The following NOBOX variants were observed in gnomAD, a reference collection of about 807,000 sequenced individuals.
The protein encoded by NOBOX is homeobox protein NOBOX.
A neutral mutation model predicts 60.2 loss-of-function variants in NOBOX; 46 were observed. That is an observed-to-expected ratio of 0.76 (90% confidence interval 0.60 to 0.98). The LOEUF (loss-of-function observed/expected upper bound fraction) is 0.98. Among genes scored for constraint, NOBOX ranks in the 50% least tolerant of loss-of-function variants. The pLI is 0.00. For synonymous variants in NOBOX, 360 were observed against 346.3 expected (o/e 1.04, Z -0.44); for missense variants, 880 against 865.5 (o/e 1.02, Z -0.21).
At position 144,399,434 on chromosome 7, in the gene NOBOX, G is replaced by C. The variant is rs1335411505; in HGVS notation, c.1203C>G (p.Asp401Glu). Reference sequence around the variant, plus strand: ...CCAGAGGGGACTCCTGAGGGAAAGGGTCAGGCTTTGGCTCCATGGGCACAG... The same window carrying C: ...CCAGAGGGGACTCCTGAGGGAAAGGCTCAGGCTTTGGCTCCATGGGCACAG... The change falls in exon 7 of 10, where the codon GAC becomes GAG. Residue 401 changes from aspartate to glutamate, a missense_variant. By Grantham distance (45) the Asp-to-Glu change is conservative. Transcript: ENST00000467773. 1 of 1,588,898 alleles carries C rather than the reference G, an allele frequency of 6.3e-7. No homozygotes were observed. The highest frequency in any genetic ancestry group is 8.6e-7 in the Non-Finnish European group (1 of 1,167,468).
chr7:144,398,853 A>T (rs1228162385), intron 8 of NOBOX, 97 bp downstream of exon 6: 2 of 710,532 alleles, frequency 2.8e-6, no homozygotes, highest in Non-Finnish European at 4.9e-6. Flanking sequence ...TGCTCCTCTC[A>T]GTTAACCCTC....
At chr7:144,405,618 A>G (rs918022553) in intron 1 of NOBOX, among the ~76,000 whole-genome samples, 1 of 152,142 alleles carries the variant, frequency 6.6e-6, no homozygotes, top group African/African-American at 2.4e-5. Context: ...GATGAACGGC[A>G]AGCTCTGACA....
chr7:144,398,519 G>C lies in NOBOX; in HGVS notation c.1537C>G (p.Gln513Glu), dbSNP rs373048418. 9 of 1,536,752 alleles carry C rather than the reference G, an allele frequency of 5.9e-6. No homozygotes were observed. The highest frequency in any genetic ancestry group is 7.8e-6 in the Non-Finnish European group (9 of 1,146,762). Residue 513 changes from glutamine (Q) to glutamate (E), a missense_variant, in exon 9 of 10, where the codon CAG (glutamine) becomes GAG (glutamate). Transcript: ENST00000467773. ...TGGGAGAACTGGAAGGGTCCTGGCT[G>C]GTTGCTCTGTTGGTAATCCTGGGGC...
At chr7:144,405,348 G>A (rs1039400930) in intron 1 of NOBOX, among the ~76,000 whole-genome samples, 11 of 152,130 alleles carry the variant, frequency 7.2e-5, no homozygotes, top group African/African-American at 1.7e-4. Context: ...ATTTGGTGGC[G>A]ACATGGTAAA....
rs2128860640 is a variant in NOBOX, at chr7:144,397,328, G to A, written c.1988C>T (p.Ala663Val). ...GGAAGCAGCTGGTGGTTCCTCTTTT[G>A]CCTTGCTGAGTAAGGGCCCAGTCCC... Residue 663 changes from alanine to valine, a missense_variant, in exon 10 of 10, where the codon GCA becomes GTA. Transcript: ENST00000467773. 1 of 1,537,266 alleles carries A rather than the reference G, an allele frequency of 6.5e-7. No homozygotes were observed. The highest frequency in any genetic ancestry group is 8.7e-7 in the Non-Finnish European group (1 of 1,146,906).
intron 9 of NOBOX, 148 bp downstream of exon 7, chr7:144,398,134 G>A (rs940428860): frequency 1.5e-5 from 11 of 749,164 alleles, no homozygotes; most frequent in Non-Finnish European, 2.3e-5. Flanking sequence ...GAATTCGAGG[G>A]AGAAGAGCTT....
chr7:144,410,215 A>G lies in NOBOX; in HGVS notation c.13T>C (p.Leu5=). 1 of 1,565,668 alleles carries G rather than the reference A, an allele frequency of 6.4e-7. No homozygotes were observed. Among genetic ancestry groups the G allele is most frequent in the Non-Finnish European group, 8.7e-7 (1 of 1,153,758 alleles). ...TCCAGGTCTGGTGATGTTAGTGTCA[A>G]AAGGAGAGCCATGTCATGGCCAGCA... Residue 5 remains leucine, a synonymous_variant, in exon 1 of 10, where the codon TTG becomes CTG. Transcript: ENST00000467773.
intron 4 of NOBOX, among the ~76,000 whole-genome samples, chr7:144,400,759 A>G (rs1474201530): frequency 6.6e-6 from 1 of 152,132 alleles, no homozygotes; most frequent in African/African-American, 2.4e-5. Flanking sequence ...GCTGGTCTCA[A>G]ACTCCTGACT....
intron 1 of NOBOX, among the ~76,000 whole-genome samples, chr7:144,407,679 C>A (rs1377191470): frequency 6.6e-6 from 1 of 152,226 alleles, no homozygotes; most frequent in East Asian, 1.9e-4. Context: ...TGCCCAGGGG[C>A]TTCCTTTGAA....
chr7:144,406,680 T>A (rs552055002), intron 1 of NOBOX, among the ~76,000 whole-genome samples: 5 of 152,368 alleles, frequency 3.3e-5, no homozygotes, highest in African/African-American at 1.2e-4. Flanking sequence ...TGCAAGTGAA[T>A]TTTATCTAAG....
chr7:144,397,352 C>A lies in NOBOX; in HGVS notation c.1964G>T (p.Gly655Val). 6.5e-7 allele frequency: 1 copy of A among 1,537,258 alleles called. No homozygotes were observed. The highest frequency in any genetic ancestry group is 8.7e-7 in the Non-Finnish European group (1 of 1,146,914). Reference sequence around the variant, plus strand: ...TGCCTTGCTGAGTAAGGGCCCAGTCCCTGGTCTGGCCCCTTCAGGCATCCA... The same window carrying A: ...TGCCTTGCTGAGTAAGGGCCCAGTCACTGGTCTGGCCCCTTCAGGCATCCA... The change falls in exon 10 of 10, where the codon GGG becomes GTG. Residue 655 changes from glycine (G) to valine (V), a missense_variant. Coordinates refer to ENST00000467773, the MANE Select transcript of NOBOX (RefSeq NM_001080413.3).
At position 144,400,316 on chromosome 7, in the gene NOBOX, AAAG is replaced by A. The variant is rs768253963; in HGVS notation, c.845-7_845-5del. The A allele has an allele frequency of 1.7e-5, 27 of 1,613,430 alleles. No homozygotes were observed. The highest frequency in any genetic ancestry group is 1.6e-4 in the Middle Eastern group (1 of 6,062). ...TTCTCTAGCTCCTCCAGCTGATCTG[AAAG>A]AAGAAGAAACTTGTGTGAGGAGGAC... is the stretch of plus-strand genomic sequence containing the variant. On this transcript the variant is annotated splice_region_variant and splice_polypyrimidine_tract_variant and intron_variant, in intron 4 of 9. Transcript: ENST00000467773.
chr7:144,402,689 C>T (rs1243286053), intron 2 of NOBOX, among the ~76,000 whole-genome samples: 1 of 150,722 alleles, frequency 6.6e-6, no homozygotes, highest in African/African-American at 2.4e-5. Flanking sequence ...TGCTAAGTAA[C>T]GACTAAGAGC....
At chr7:144,398,721 T>G in intron 8 of NOBOX, 135 bp from the exon 7 acceptor site, 1 of 682,966 alleles carries the variant, frequency 1.5e-6, no homozygotes, top group Non-Finnish European at 2.5e-6. Flanking sequence ...CTGCTGCAGC[T>G]GCCTCTTCTC....
intron 2 of NOBOX, among the ~76,000 whole-genome samples, chr7:144,402,864 C>T (rs1173004496): frequency 7.0e-6 from 1 of 142,848 alleles, no homozygotes; most frequent in Non-Finnish European, 1.5e-5. Context: ...TCAAGCGATT[C>T]TCGTGCCTCT....
intron 2 of NOBOX, among the ~76,000 whole-genome samples, chr7:144,402,878 T>C (rs889729595): frequency 2.5e-4 from 37 of 148,196 alleles, no homozygotes; most frequent in Admixed American, 2.1e-3. Context: ...TGCCTCTGCC[T>C]CCCAAGTAGC....
At position 144,410,002 on chromosome 7, in the gene NOBOX, T is replaced by C. The variant is rs1456594759; in HGVS notation, c.85+141A>G. 1.6e-5 allele frequency: 9 copies of C among 549,610 alleles called. No homozygotes were observed. The East Asian group carries it at 2.7e-4, about 16-fold the overall frequency. 34.0% of individuals were successfully genotyped at this position (549,610 alleles called of 1,614,324 possible). ...TTCTGCTGGTGGCTTGATAGATTTT[T>C]CCAATGTTTGAGTCTAGGGTCACTG... On this transcript the variant is annotated intron_variant, in intron 1 of 9. Transcript: ENST00000467773.
chr7:144,408,485 T>C (rs2054000972), intron 1 of NOBOX, among the ~76,000 whole-genome samples: 1 of 152,220 alleles, frequency 6.6e-6, no homozygotes, highest in Non-Finnish European at 1.5e-5. Context: ...TCAGGCCCGG[T>C]GCTTTCTTCT....
intron 1 of NOBOX, among the ~76,000 whole-genome samples, chr7:144,404,921 A>G (rs1420576954): frequency 6.6e-6 from 1 of 151,978 alleles, no homozygotes; most frequent in Non-Finnish European, 1.5e-5. Context: ...AGGTGCTTGG[A>G]GCTGGGTGGG....
Sources: allele counts gnomAD v4.1 joint callset (sites outside exome capture counted in the v4.1 genomes callset), GRCh38; gene constraint gnomAD v4.1.1; transcripts MANE v1.5; gene names NCBI Gene and HGNC (gene_info 2026-07-23, HGNC 2026-07-21).